Variants in RANBP2 observed in about 807,000 individuals in gnomAD.
RANBP2 encodes RAN binding protein 2.
RANBP2 carries 57 observed loss-of-function variants against 303.6 expected under a neutral mutation model. That is an observed-to-expected ratio of 0.19 (90% CI 0.15 to 0.23). The LOEUF is 0.23. Among genes scored for constraint, RANBP2 ranks in the 10% least tolerant of loss-of-function variants. RANBP2 has a pLI of 1.00. For synonymous variants in RANBP2, 1,167 were observed against 1,301.5 expected, an observed-to-expected ratio of 0.90 and a Z score of 2.23; for missense variants, 3,138 against 3,780.8, an observed-to-expected ratio of 0.83 and a Z score of 4.46.
At chr2:108,846,820 C>T in the RANBP2 span, 1 of 1,612,576 alleles carries the variant, frequency 6.2e-7, no homozygotes. Flanking sequence ...CAGGATAATT[C>T]TCCACAGCAT....
At chr2:109,004,301 C>T in the RANBP2 span, among the ~76,000 whole-genome samples, 1 of 152,158 alleles carries the variant, frequency 6.6e-6, no homozygotes, top group Non-Finnish European at 1.5e-5. Context: ...AGGGAGGCTG[C>T]TCCCAACAGG....
At chr2:109,585,732 A>G in the RANBP2 span, 1 of 1,611,852 alleles carries the variant, frequency 6.2e-7, no homozygotes, top group South Asian at 1.1e-5. Context: ...CACACAGAGA[A>G]TATTAAAGCA....
chr2:109,725,154 C>G, the RANBP2 span, among the ~76,000 whole-genome samples: 4 of 152,086 alleles, frequency 2.6e-5, no homozygotes, highest in Non-Finnish European at 5.9e-5. Context: ...CCCCTCAGAA[C>G]ACATCCCAGG....
At chr2:109,613,883 G>T in the RANBP2 span, 4 of 1,230,066 alleles carry the variant, frequency 3.3e-6, no homozygotes, top group Non-Finnish European at 4.1e-6. Flanking sequence ...CGAGCGGCTG[G>T]TCCCGGCGAC....
the RANBP2 span, among the ~76,000 whole-genome samples, chr2:109,476,107 TTC>T: frequency 6.6e-6 from 1 of 152,314 alleles, no homozygotes; most frequent in African/African-American, 2.4e-5. Context: ...AGGTTAAGTG[TTC>T]TTACCAAACT....
the RANBP2 span, among the ~76,000 whole-genome samples, chr2:109,539,632 C>CGGG: frequency 6.6e-6 from 1 of 152,084 alleles, no homozygotes; most frequent in Admixed American, 6.5e-5. Flanking sequence ...TTACTAGAGA[C>CGGG]GGGGTTTCAT....
At chr2:108,897,260 T>G in the RANBP2 span, 1 of 1,591,462 alleles carries the variant, frequency 6.3e-7, no homozygotes, top group Non-Finnish European at 8.6e-7. Flanking sequence ...AGTTAGATGT[T>G]GCAAGTCACA....
chr2:109,130,203 G>T, the RANBP2 span: 1 of 1,174,132 alleles, frequency 8.5e-7, no homozygotes, highest in South Asian at 3.8e-5. Flanking sequence ...AGGTGCGGAG[G>T]AGACCACGGG....
chr2:108,764,911 A>C lies in RANBP2; in HGVS notation c.4372A>C (p.Lys1458Gln). The C allele has an allele frequency of 6.2e-7, 1 of 1,614,074 alleles. No homozygotes were observed. The highest frequency in any genetic ancestry group is 8.5e-7 in the Non-Finnish European group (1 of 1,179,968). ...GSSFVHQASF[K>Q]FGQGDLPKPI... ...TTCATTTGTTCATCAAGCTTCATTTAAATTTGGCCAGGGAGATCTTCCTAA... is the reference window on the plus strand; with the variant it reads ...TTCATTTGTTCATCAAGCTTCATTTCAATTTGGCCAGGGAGATCTTCCTAA... The change falls in exon 20 of 29, where the codon AAA (lysine) becomes CAA (glutamine). Residue 1458 changes from lysine to glutamine, a missense_variant. Lys to Gln is a moderately conservative substitution (Grantham distance 53). This residue lies in a region of RANBP2 where 388 missense variants were observed against 328.5 expected (regional missense o/e 1.18). Transcript: ENST00000283195.
chr2:108,860,824 T>C, the RANBP2 span, among the ~76,000 whole-genome samples: 2 of 151,766 alleles, frequency 1.3e-5, no homozygotes, highest in Admixed American at 1.3e-4. Flanking sequence ...TTGGAATGAG[T>C]TAGGGAGGAG....
chr2:108,897,354 C>T, the RANBP2 span: 1 of 929,294 alleles, frequency 1.1e-6, no homozygotes, highest in Non-Finnish European at 1.6e-6. Flanking sequence ...ATAAAACATG[C>T]AGAAAGCCAC....
At chr2:109,567,302 T>C in the RANBP2 span, among the ~76,000 whole-genome samples, 5 of 152,186 alleles carry the variant, frequency 3.3e-5, no homozygotes. Context: ...CCAGGTGTTT[T>C]AAAAATGTGT....
At chr2:108,795,240 C>T in the RANBP2 span, among the ~76,000 whole-genome samples, 10 of 143,470 alleles carry the variant, frequency 7.0e-5, no homozygotes, top group African/African-American at 1.0e-4. Flanking sequence ...CTGCGGCCTC[C>T]GCCTCCTGGG....
the RANBP2 span, among the ~76,000 whole-genome samples, chr2:109,192,343 A>G: frequency 3.3e-5 from 5 of 152,254 alleles, no homozygotes; most frequent in Non-Finnish European, 7.3e-5. Context: ...ATGAGTTTTT[A>G]AAAACCTCTT....
chr2:109,544,063 T>G, the RANBP2 span: 3 of 1,250,416 alleles, frequency 2.4e-6, no homozygotes, highest in African/African-American at 3.0e-5. Context: ...TCAAAAAGAT[T>G]CAGATTTTGA....
chr2:109,104,678 T>C, the RANBP2 span, among the ~76,000 whole-genome samples: 1 of 152,050 alleles, frequency 6.6e-6, no homozygotes, highest in African/African-American at 2.4e-5. Context: ...GAGACGGGGG[T>C]TTCACCTTGT....
the RANBP2 span, among the ~76,000 whole-genome samples, chr2:109,636,686 C>T: frequency 4.6e-5 from 7 of 152,106 alleles, no homozygotes; most frequent in Admixed American, 4.6e-4. Flanking sequence ...ACCTATAATC[C>T]CAGCACTTTG....
At chr2:109,185,616 C>T in the RANBP2 span, among the ~76,000 whole-genome samples, 51 of 152,110 alleles carry the variant, frequency 3.4e-4, 1 homozygote, top group South Asian at 3.1e-3. Flanking sequence ...GCAGAGAAGC[C>T]GGAGCCAAGT....
chr2:109,288,381 T>C, the RANBP2 span, among the ~76,000 whole-genome samples: 3 of 152,214 alleles, frequency 2.0e-5, no homozygotes, highest in Non-Finnish European at 4.4e-5. Flanking sequence ...GGTATTCTCA[T>C]CTAAAGACCA....
Sources: allele counts gnomAD v4.1 joint callset (sites outside exome capture counted in the v4.1 genomes callset), GRCh38; gene constraint gnomAD v4.1.1; regional missense constraint gnomAD v4.1.1; transcripts MANE v1.5; gene names NCBI Gene and HGNC (gene_info 2026-07-23, HGNC 2026-07-21).